SMARCA2: variants seen among roughly 807,000 people sequenced by gnomAD.
SMARCA2 encodes SWI/SNF related BAF chromatin remodeling complex subunit ATPase 2.
Under a neutral mutation model 199.8 loss-of-function variants are expected in SMARCA2, and 61 were observed. The ratio of observed to expected loss-of-function variants is 0.31; its 90% CI spans 0.25 to 0.38. SMARCA2 has a LOEUF of 0.38. Ranked by LOEUF, SMARCA2 falls within the 10% of genes least tolerant of loss-of-function variation. The pLI is 1.00. For synonymous variants in SMARCA2, 935 were observed against 732.0 expected, an observed-to-expected ratio of 1.28 and a Z score of -4.48; for missense variants, 1,344 against 2,012.2, an observed-to-expected ratio of 0.67 and a Z score of 6.35.
At chr9:2,063,916 G>A (rs1820712045) in intron 9 of SMARCA2, among the ~76,000 whole-genome samples, 1 of 152,032 alleles carries the variant, frequency 6.6e-6, no homozygotes, top group African/African-American at 2.4e-5. Context: ...AAATCATTTT[G>A]TAACTTCTCA....
chr9:2,054,797 C>G (rs1029810629), intron 6 of SMARCA2, 74 bp downstream of exon 6: 1 of 1,475,462 alleles, frequency 6.8e-7, no homozygotes, highest in African/African-American at 1.4e-5. Flanking sequence ...ATCTGTGTTG[C>G]CTTTAGTCTA....
At chr9:2,029,280 T>G in intron 2 of SMARCA2, 33 bp downstream of exon 2, 3 of 1,583,268 alleles carry the variant, frequency 1.9e-6, no homozygotes, top group Non-Finnish European at 1.7e-6. Context: ...AAACTCAACT[T>G]CTGATAAGTG....
chr9:2,116,618 C>A (rs1204338989), intron 25 of SMARCA2, among the ~76,000 whole-genome samples: 1 of 152,192 alleles, frequency 6.6e-6, no homozygotes, highest in African/African-American at 2.4e-5. Context: ...TCTGGTTAAA[C>A]AGCCTTTATT....
Position 2,020,684 on chromosome 9 carries a change from C to T in SMARCA2, c.-37+5280C>T, listed in dbSNP as rs1256348663. Among the ~76,000 whole-genome samples the T allele has an allele frequency of 3.3e-5, 5 of 152,014 alleles. No individual in the cohort carries two copies. The South Asian group carries it at 6.2e-4, about 19-fold the overall frequency. ...TTACCCATGTTAATATAGCACTTTTCCTTGAAAGTGTAGGATATGTTAAAG... is the reference window on the plus strand; with the variant it reads ...TTACCCATGTTAATATAGCACTTTTTCTTGAAAGTGTAGGATATGTTAAAG... On this transcript the variant is annotated intron_variant, in intron 1 of 33. Coordinates refer to ENST00000349721, the MANE Select transcript of SMARCA2 (RefSeq NM_003070.5).
chr9:2,185,759 T>C (rs925867290), intron 31 of SMARCA2, among the ~76,000 whole-genome samples: 2 of 152,208 alleles, frequency 1.3e-5, no homozygotes, highest in African/African-American at 4.8e-5. Context: ...TTTACCACAG[T>C]CTTACTACAG....
intron 14 of SMARCA2, among the ~76,000 whole-genome samples, chr9:2,081,147 T>C (rs1373753685): frequency 6.6e-6 from 1 of 152,202 alleles, no homozygotes; most frequent in African/African-American, 2.4e-5. Context: ...GGTTGGGGGA[T>C]GGAGGTTTAA....
At chr9:2,048,417 A>C (rs1183278036) in intron 5 of SMARCA2, among the ~76,000 whole-genome samples, 1 of 152,258 alleles carries the variant, frequency 6.6e-6, no homozygotes, top group Non-Finnish European at 1.5e-5. Context: ...TGTTGGGAAG[A>C]TAAAATGATA....
chr9:2,054,809 T>G lies in SMARCA2; in HGVS notation c.1173+86T>G. On this transcript the variant is annotated intron_variant, in intron 6 of 33. Transcript: ENST00000349721. ...GTTATCTGTGTTGCCTTTAGTCTAT[T>G]CAATATTGTTACAAAGATATAAAGA... 2.2e-6 allele frequency: 3 copies of G among 1,360,468 alleles called. No homozygotes were observed. In the South Asian group the frequency reaches 3.8e-5, roughly 17 times the overall value. 84.3% of individuals were successfully genotyped at this position (1,360,468 alleles called of 1,614,324 possible).
At chr9:2,040,915 C>T (rs960593765) in intron 4 of SMARCA2, 1 of 153,918 alleles carries the variant, frequency 6.5e-6, no homozygotes, top group African/African-American at 2.4e-5. Context: ...TGTTAAAGAA[C>T]TGGAAAAGCA....
intron 9 of SMARCA2, among the ~76,000 whole-genome samples, chr9:2,066,072 C>A (rs1377423009): frequency 6.6e-6 from 1 of 152,068 alleles, no homozygotes; most frequent in East Asian, 1.9e-4. Flanking sequence ...CTCAAAGGTC[C>A]CCTTAAATGA....
Position 2,161,269 on chromosome 9 carries a change from G to A in SMARCA2, c.3982-417G>A, listed in dbSNP as rs933641624. ...TATGATCGTGTGGATGTATTCTTAGGGATTGTTTTTTCATAACCCACCCCT... is the reference window on the plus strand; with the variant it reads ...TATGATCGTGTGGATGTATTCTTAGAGATTGTTTTTTCATAACCCACCCCT... On this transcript the variant is annotated intron_variant, in intron 27 of 33. Transcript: ENST00000349721. The surrounding 1 kb of genome is among the most constrained non-coding windows in gnomAD (Gnocchi z 4.7). Among the ~76,000 whole-genome samples the A allele has an allele frequency of 1.3e-5, 2 of 152,032 alleles. No individual in the cohort carries two copies. The highest frequency in any genetic ancestry group is 2.9e-5 in the Non-Finnish European group (2 of 68,000).
Position 2,158,660 on chromosome 9 carries a change from TTG to T in SMARCA2, c.3982-3019_3982-3018del, listed in dbSNP as rs978625709. The T allele has an allele frequency of 8.2e-4, 261 of 316,902 alleles. 2 individuals are homozygous for T. Among genetic ancestry groups the T allele is most frequent in the African/African-American group, 3.7e-3 (173 of 46,912 alleles). The allele number at this position is 316,902 out of a possible 1,614,324, so 19.6% of individuals were successfully genotyped here. A position where few individuals can be genotyped will look rare whatever the true frequency, so the allele number is the denominator to read the frequency against. ...TGTGTAGCAAGTTTTGGGGTTTTTT[TTG>T]TGTGTGACCCCCCAGCCCCCAGCGC... On this transcript the variant is annotated intron_variant, in intron 27 of 33. Transcript: ENST00000349721.
chr9:2,149,290 G>C (rs1004503477), intron 27 of SMARCA2, among the ~76,000 whole-genome samples: 1 of 151,216 alleles, frequency 6.6e-6, no homozygotes, highest in African/African-American at 2.4e-5. Context: ...GGCTGAGGCA[G>C]GTGGATCACC....
At chr9:2,149,730 C>A in intron 27 of SMARCA2, among the ~76,000 whole-genome samples, 1 of 151,564 alleles carries the variant, frequency 6.6e-6, no homozygotes, top group African/African-American at 2.4e-5. Context: ...TGGCCATGTT[C>A]ACCTTTGTTC....
chr9:2,054,857 A>G, intron 6 of SMARCA2, 134 bp downstream of exon 6: 1 of 895,190 alleles, frequency 1.1e-6, no homozygotes, highest in Non-Finnish European at 1.6e-6. Flanking sequence ...AAAATAGTGA[A>G]TCTTTTAGAC....
chr9:2,110,218 A>G lies in SMARCA2; in HGVS notation c.3293-36A>G. The stretch of plus-strand genomic sequence containing the variant: ...TCATTCTGTGCCATTTTCAGACAAG[A>G]GTTAATTGGCAAATTAATTTTTCTG... On this transcript the variant is annotated intron_variant, in intron 23 of 33. Coordinates refer to ENST00000349721, the MANE Select transcript of SMARCA2 (RefSeq NM_003070.5). The surrounding 1 kb of genome is among the most constrained non-coding windows in gnomAD (Gnocchi z 4.8). 6.5e-7 allele frequency: 1 copy of G among 1,539,752 alleles called. No homozygotes were observed. Among genetic ancestry groups the G allele is most frequent in the Non-Finnish European group, 8.8e-7 (1 of 1,139,100 alleles).
At chr9:2,172,478 A>G (rs1035683554) in intron 29 of SMARCA2, among the ~76,000 whole-genome samples, 6 of 149,746 alleles carry the variant, frequency 4.0e-5, no homozygotes, top group Middle Eastern at 3.4e-3. Flanking sequence ...GGAAGGGGGG[A>G]TGTAGCCATG....
intron 24 of SMARCA2, among the ~76,000 whole-genome samples, chr9:2,112,495 C>T (rs991899052): frequency 6.6e-5 from 10 of 151,074 alleles, no homozygotes; most frequent in Non-Finnish European, 1.2e-4. Flanking sequence ...TTTTTTCGTA[C>T]TTTCTCTCTA....
At position 2,104,645 on chromosome 9, in the gene SMARCA2, C is replaced by T. The variant is rs181257514; in HGVS notation, c.3292+476C>T. Among the ~76,000 whole-genome samples, 15 of 152,234 alleles carry T rather than the reference C, an allele frequency of 9.9e-5. No individual in the cohort carries two copies. Among genetic ancestry groups the T allele is most frequent in the African/African-American group, 3.6e-4 (15 of 41,540 alleles). ...TCTCTTCCTAAATAAGACGTATCCA[C>T]ATGTTACATTGTTAAGAGACATGAC... is the stretch of plus-strand genomic sequence containing the variant. On this transcript the variant is annotated intron_variant, in intron 23 of 33. Coordinates refer to ENST00000349721, the MANE Select transcript of SMARCA2 (RefSeq NM_003070.5). The surrounding 1 kb of genome is among the most constrained non-coding windows in gnomAD (Gnocchi z 4.0).
Sources: gnomAD v4.1 joint callset for allele counts (sites outside exome capture counted in the v4.1 genomes callset) on GRCh38, gnomAD v4.1.1 for gene constraint, Gnocchi (gnomAD v3.1) non-coding constraint, MANE v1.5 for transcripts, NCBI Gene and HGNC (gene_info 2026-07-23, HGNC 2026-07-21) for gene names.